The following PTPRT variants were observed in gnomAD, a reference collection of about 807,000 sequenced individuals.
PTPRT encodes the protein receptor-type tyrosine-protein phosphatase T.
A neutral mutation model predicts 176.8 loss-of-function variants in PTPRT; 56 were observed. That is an observed-to-expected ratio of 0.32 (90% CI 0.26 to 0.40). The LOEUF (loss-of-function observed/expected upper bound fraction) is 0.40. Ranked by LOEUF, PTPRT falls within the 10% of genes least tolerant of loss-of-function variation. The pLI is 1.00. For synonymous variants in PTPRT, 783 were observed against 739.0 expected (o/e 1.06, Z -0.96); for missense variants, 1,540 against 1,908.2 (o/e 0.81, Z 3.60).
chr20:43,175,079 G>A (rs1007777986), intron 1 of PTPRT, among the ~76,000 whole-genome samples: 14 of 152,240 alleles, frequency 9.2e-5, no homozygotes, highest in Non-Finnish European at 2.1e-4. Flanking sequence ...GTGCCTTTCT[G>A]ACGCCTCAGG....
chr20:42,056,932 G>A, the PTPRT span, among the ~76,000 whole-genome samples: 2 of 152,084 alleles, frequency 1.3e-5, no homozygotes, highest in African/African-American at 2.4e-5. Flanking sequence ...GACTTCCTTC[G>A]GTTACTGAGA....
intron 7 of PTPRT, among the ~76,000 whole-genome samples, chr20:42,647,404 A>G (rs948635087): frequency 6.6e-6 from 1 of 152,038 alleles, no homozygotes; most frequent in African/African-American, 2.4e-5. Context: ...TGGTCCCCTC[A>G]TATGCTGTAC....
At chr20:42,540,527 A>C (rs1199784532) in intron 7 of PTPRT, among the ~76,000 whole-genome samples, 1 of 152,208 alleles carries the variant, frequency 6.6e-6, no homozygotes, top group East Asian at 1.9e-4. Flanking sequence ...CAGAGAGAGC[A>C]CAACACCAGC....
chr20:42,646,882 C>CTTTTTTTTTTTTTATTT (rs2074914567), intron 7 of PTPRT, among the ~76,000 whole-genome samples: 1 of 76,224 alleles, frequency 1.3e-5, no homozygotes, highest in African/African-American at 7.5e-5. Context: ...CTAAGACAGC[C>CTTTTTTTTTTTTTATTT]TTTTTTTTTT....
chr20:42,332,071 A>G (rs1249135432), intron 11 of PTPRT, among the ~76,000 whole-genome samples: 2 of 152,168 alleles, frequency 1.3e-5, no homozygotes, highest in African/African-American at 4.8e-5. Context: ...GTCCTCGATG[A>G]AGCAGTAAAA....
chr20:42,895,805 A>G (rs1407279396), intron 1 of PTPRT, among the ~76,000 whole-genome samples: 1 of 152,208 alleles, frequency 6.6e-6, no homozygotes, highest in East Asian at 1.9e-4. Flanking sequence ...GGGCTATATA[A>G]AAACCAGTGA....
At chr20:43,067,189 A>G (rs187793130) in intron 1 of PTPRT, among the ~76,000 whole-genome samples, 2 of 151,744 alleles carry the variant, frequency 1.3e-5, no homozygotes, top group Non-Finnish European at 2.9e-5. Flanking sequence ...ATGAGCCTTG[A>G]AAATTATGCT....
At chr20:42,676,272 C>A (rs559406324) in intron 7 of PTPRT, among the ~76,000 whole-genome samples, 2 of 152,246 alleles carry the variant, frequency 1.3e-5, no homozygotes, top group South Asian at 4.2e-4. Context: ...ATGAATATGG[C>A]CCCTAGCCCC....
intron 7 of PTPRT, among the ~76,000 whole-genome samples, chr20:42,497,328 C>T (rs2071672967): frequency 6.6e-6 from 1 of 151,978 alleles, no homozygotes; most frequent in Admixed American, 6.6e-5. Context: ...AAGGCACATT[C>T]ACTGGCATTA....
At chr20:42,511,633 C>A (rs2071958436) in intron 7 of PTPRT, among the ~76,000 whole-genome samples, 1 of 151,954 alleles carries the variant, frequency 6.6e-6, no homozygotes, top group African/African-American at 2.4e-5. Context: ...CGATAAAGAT[C>A]ACGAAACACA....
chr20:42,672,031 T>C (rs746963454), intron 7 of PTPRT, among the ~76,000 whole-genome samples: 7 of 152,174 alleles, frequency 4.6e-5, no homozygotes, highest in Non-Finnish European at 8.8e-5. Context: ...CCTGAGCTCA[T>C]TTCCTTTTGT....
In PTPRT at chr20:42,413,792, A is replaced by T. The variant is rs1445072887; in HGVS notation, c.1560+34428T>A. Among the ~76,000 whole-genome samples, 4 of 152,278 alleles carry T rather than the reference A, an allele frequency of 2.6e-5. No homozygotes were observed. In the East Asian group the frequency reaches 7.7e-4, roughly 29 times the overall value. On this transcript the variant is annotated intron_variant, in intron 9 of 30. Coordinates refer to ENST00000373187, the MANE Select transcript of PTPRT (RefSeq NM_007050.6). ...CTCCACAGAGAACTAGCCTTCTTGA[A>T]CTATCTTTGATATGTCACCTTCCTA...
chr20:42,829,267 G>A (rs112916567), intron 2 of PTPRT, among the ~76,000 whole-genome samples: 3 of 152,220 alleles, frequency 2.0e-5, no homozygotes, highest in African/African-American at 7.2e-5. Context: ...TTTGGAATGG[G>A]TGTATTTACC....
chr20:42,175,588 A>AG (rs1013246854), intron 16 of PTPRT, among the ~76,000 whole-genome samples: 1 of 152,162 alleles, frequency 6.6e-6, no homozygotes, highest in Admixed American at 6.6e-5. Context: ...GTATATTACT[A>AG]GGGGGCTGGG....
intron 1 of PTPRT, among the ~76,000 whole-genome samples, chr20:43,037,995 G>A (rs918016340): frequency 4.6e-5 from 7 of 152,086 alleles, no homozygotes; most frequent in Non-Finnish European, 7.4e-5. Flanking sequence ...GAAACCCATC[G>A]TAAGACAGTA....
intron 1 of PTPRT, among the ~76,000 whole-genome samples, chr20:42,990,235 T>C (rs1432322109): frequency 6.6e-6 from 1 of 152,212 alleles, no homozygotes; most frequent in Non-Finnish European, 1.5e-5. Context: ...TTATTCTAAA[T>C]AAAGTTTTAT....
intron 11 of PTPRT, among the ~76,000 whole-genome samples, chr20:42,349,844 C>A (rs915217899): frequency 6.6e-6 from 1 of 152,226 alleles, no homozygotes; most frequent in Admixed American, 6.5e-5. Context: ...GATGCCCACG[C>A]TCCTGATATC....
At chr20:42,725,009 T>TTG (rs147376328) in intron 6 of PTPRT, among the ~76,000 whole-genome samples, 7,193 of 133,942 alleles carry the variant, frequency 0.054, 222 homozygotes, top group East Asian at 0.097. Flanking sequence ...TGGACATCTT[T>TTG]TGTGTGTGTG....
rs79580760 is a variant in PTPRT, at chr20:42,474,234, G to T, written c.1154-1672C>A. Among the ~76,000 whole-genome samples, 7 of 152,246 alleles carry T rather than the reference G, an allele frequency of 4.6e-5. No homozygotes were observed. The East Asian group carries it at 1.2e-3, about 25-fold the overall frequency. On this transcript the variant is annotated intron_variant, in intron 7 of 30. Transcript: ENST00000373187. The stretch of plus-strand genomic sequence containing the variant: ...AATGATGGACTAGGTTTCCATCATT[G>T]CTCCAATCCCCTCAGAGCATTTAAG...
Sources: allele counts gnomAD v4.1 joint callset (sites outside exome capture counted in the v4.1 genomes callset), GRCh38; gene constraint gnomAD v4.1.1; transcripts MANE v1.5; gene names NCBI Gene and HGNC (gene_info 2026-07-23, HGNC 2026-07-21).